MGAT4C: variants seen among roughly 807,000 people sequenced by gnomAD.
MGAT4C encodes the protein MGAT4 family member C, also known as alpha-1,3-mannosyl-glycoprotein 4-beta-N-acetylglucosaminyltransferase C.
In MGAT4C, 19 loss-of-function variants were observed where a neutral mutation model predicts 40.1. The observed-to-expected ratio is 0.47, with a 90% CI of 0.33 to 0.70. The LOEUF (loss-of-function observed/expected upper bound fraction) is 0.70, where lower values mean the gene tolerates loss of function less well. Among genes scored for constraint, MGAT4C ranks in the 30% least tolerant of loss-of-function variants. The pLI, the probability that MGAT4C is intolerant of heterozygous loss-of-function variation, is 0.02. For synonymous variants in MGAT4C, 181 were observed against 187.1 expected (o/e 0.97, Z 0.27); for missense variants, 491 against 563.2 (o/e 0.87, Z 1.30).
chr12:86,648,976 T>C lies in MGAT4C; in HGVS notation c.-229+78233A>G, dbSNP rs73394970. Among the ~76,000 whole-genome samples, 480 of 152,012 alleles carry C rather than the reference T, an allele frequency of 3.2e-3. 2 individuals are homozygous for C. The highest frequency in any genetic ancestry group is 0.011 in the African/African-American group (467 of 41,526). On this transcript the variant is annotated intron_variant, in intron 2 of 7. Transcript: ENST00000548651. ...AATTTCAATGCATTTTTGTTGTTTG[T>C]TTATTTTAATCCATTATAACAATTT...
chr12:86,571,382 T>C (rs921932085), intron 2 of MGAT4C, among the ~76,000 whole-genome samples: 8 of 151,932 alleles, frequency 5.3e-5, no homozygotes, highest in African/African-American at 1.9e-4. Flanking sequence ...ATACTATATA[T>C]AGGAAGAAAG....
At chr12:86,425,043 A>G (rs1956900516) in intron 3 of MGAT4C, among the ~76,000 whole-genome samples, 1 of 152,168 alleles carries the variant, frequency 6.6e-6, no homozygotes, top group Non-Finnish European at 1.5e-5. Flanking sequence ...GCCGTGAGTC[A>G]CTGTGCCCGG....
intron 1 of MGAT4C, among the ~76,000 whole-genome samples, chr12:86,156,651 CAT>C (rs1480524438): frequency 2.6e-5 from 4 of 152,146 alleles, no homozygotes; most frequent in African/African-American, 9.7e-5. Context: ...TACAGAAAAA[CAT>C]GTGAGAATAG....
chr12:86,362,677 C>T (rs1417249727), intron 3 of MGAT4C, among the ~76,000 whole-genome samples: 1 of 151,652 alleles, frequency 6.6e-6, no homozygotes, highest in Non-Finnish European at 1.5e-5. Context: ...TCCTCGCTAA[C>T]ACAGTGAAAC....
intron 3 of MGAT4C, among the ~76,000 whole-genome samples, chr12:86,360,577 T>C (rs898337934): frequency 6.6e-6 from 1 of 152,108 alleles, no homozygotes. Context: ...GATTGTATAT[T>C]TAGAAAACCC....
intron 4 of MGAT4C, among the ~76,000 whole-genome samples, chr12:86,280,289 A>G (rs945321651): frequency 6.6e-6 from 1 of 152,002 alleles, no homozygotes; most frequent in Admixed American, 6.6e-5. Context: ...CTTTAGCTCT[A>G]ATAATATTTG....
chr12:86,537,142 G>A (rs1481356179), intron 2 of MGAT4C, among the ~76,000 whole-genome samples: 1 of 151,714 alleles, frequency 6.6e-6, no homozygotes, highest in African/African-American at 2.4e-5. Flanking sequence ...AACACCGCAT[G>A]TTCTCACTCA....
intron 1 of MGAT4C, among the ~76,000 whole-genome samples, chr12:86,088,204 G>T (rs1174041765): frequency 6.6e-6 from 1 of 151,870 alleles, no homozygotes; most frequent in Non-Finnish European, 1.5e-5. Context: ...CTTCCTTATA[G>T]CATATACAGA....
chr12:86,820,071 A>G (rs1297380007), intron 1 of MGAT4C, among the ~76,000 whole-genome samples: 1 of 150,900 alleles, frequency 6.6e-6, no homozygotes, highest in Non-Finnish European at 1.5e-5. Context: ...TATGGAAAGC[A>G]AATATTACAA....
chr12:86,423,740 CATT>C (rs1956875710), intron 3 of MGAT4C, among the ~76,000 whole-genome samples: 1 of 152,138 alleles, frequency 6.6e-6, no homozygotes, highest in Non-Finnish European at 1.5e-5. Context: ...CATTACATTA[CATT>C]ATTATCCATT....
chr12:86,482,027 A>C (rs1957945936), intron 2 of MGAT4C, among the ~76,000 whole-genome samples: 1 of 150,660 alleles, frequency 6.6e-6, no homozygotes, highest in African/African-American at 2.4e-5. Context: ...GTTGTAAAAC[A>C]GTCCTCTTTT....
chr12:86,300,008 C>T (rs942433987), intron 4 of MGAT4C, among the ~76,000 whole-genome samples: 3 of 152,186 alleles, frequency 2.0e-5, no homozygotes, highest in African/African-American at 4.8e-5. Flanking sequence ...TTAACTCAAA[C>T]TTATCAATTT....
chr12:86,782,957 ACAGCAGCTG>A (rs1951869939), intron 1 of MGAT4C, among the ~76,000 whole-genome samples: 3 of 152,196 alleles, frequency 2.0e-5, no homozygotes, highest in Non-Finnish European at 4.4e-5. Context: ...GTATTTTGTT[ACAGCAGCTG>A]CAGCAGACTA....
upstream of MGAT4C, among the ~76,000 whole-genome samples, chr12:86,258,467 A>G (rs545570800): frequency 3.3e-5 from 5 of 152,250 alleles, no homozygotes; most frequent in African/African-American, 1.2e-4. Flanking sequence ...AGAGAAATAC[A>G]GCAATATAAA....
chr12:86,211,656 A>G (rs1462852826), intron 1 of MGAT4C, among the ~76,000 whole-genome samples: 2 of 152,046 alleles, frequency 1.3e-5, no homozygotes, highest in South Asian at 2.1e-4. Context: ...GCTATTTCCA[A>G]TCTCAACACT....
chr12:86,009,539 C>T (rs1888246271), intron 2 of MGAT4C, among the ~76,000 whole-genome samples: 1 of 152,128 alleles, frequency 6.6e-6, no homozygotes, highest in South Asian at 2.1e-4. Flanking sequence ...TGTATTGCAA[C>T]CCAGAACCTC....
chr12:86,110,032 C>A (rs890331999), intron 1 of MGAT4C, among the ~76,000 whole-genome samples: 1 of 150,734 alleles, frequency 6.6e-6, no homozygotes, highest in Non-Finnish European at 1.5e-5. Flanking sequence ...TGGGCAAAGG[C>A]CCTGTAAAAG....
At chr12:86,090,847 G>A (rs1268949098) in intron 1 of MGAT4C, among the ~76,000 whole-genome samples, 2 of 151,748 alleles carry the variant, frequency 1.3e-5, no homozygotes, top group Non-Finnish European at 2.9e-5. Flanking sequence ...ACATGCTTGG[G>A]CTACCTTCCT....
chr12:86,636,237 G>A (rs976370197), intron 2 of MGAT4C, among the ~76,000 whole-genome samples: 2 of 151,952 alleles, frequency 1.3e-5, no homozygotes, highest in African/African-American at 4.8e-5. Context: ...TAAGCAACAC[G>A]TGACTGTACT....
Sources: allele counts gnomAD v4.1 joint callset (sites outside exome capture counted in the v4.1 genomes callset), GRCh38; gene constraint gnomAD v4.1.1; transcripts MANE v1.5; gene names NCBI Gene and HGNC (gene_info 2026-07-23, HGNC 2026-07-21).